The following TRAPPC2 variants were observed in gnomAD, a reference collection of about 807,000 sequenced individuals.
The protein encoded by TRAPPC2 is sedlin.
In TRAPPC2, 4 loss-of-function variants were observed where a neutral mutation model predicts 10.0. The observed-to-expected ratio is 0.40, with a 90% CI of 0.20 to 0.92. The LOEUF is 0.92. TRAPPC2 is among the 40% of genes least tolerant of loss of function. TRAPPC2 has a pLI of 0.35. For missense variants in TRAPPC2, 52 were observed against 108.7 expected (o/e 0.48, Z 2.32); for synonymous variants, 36 against 37.3 (o/e 0.97, Z 0.12).
chrX:13,716,435 G>C, intron 4 of TRAPPC2, 99 bp downstream of exon 4: 1 of 1,026,634 alleles, frequency 9.7e-7, no homozygotes, highest in East Asian at 3.1e-5. Context: ...ACCTGACTGT[G>C]AAGTCTACAG....
chrX:13,722,316 G>A (rs777221078), intron 2 of TRAPPC2: 1 of 108,496 alleles, frequency 9.2e-6, no homozygotes, highest in East Asian at 2.9e-4. Flanking sequence ...CCCCTATATG[G>A]AAAGCCACGA....
At chrX:13,722,684 G>A (rs909523151) in intron 2 of TRAPPC2, among the ~76,000 whole-genome samples, 1 of 111,733 alleles carries the variant, frequency 8.9e-6, no homozygotes, top group Non-Finnish European at 1.9e-5. Flanking sequence ...AGGATTCTGC[G>A]CTGTCCAATC....
At chrX:13,731,607 C>A (rs1480485447) in intron 2 of TRAPPC2, among the ~76,000 whole-genome samples, 1 of 111,577 alleles carries the variant, frequency 9.0e-6, no homozygotes, top group East Asian at 2.8e-4. Context: ...GCAGATACAC[C>A]ATTCGTCTCA....
At chrX:13,726,867 A>T (rs920233624) in intron 2 of TRAPPC2, among the ~76,000 whole-genome samples, 2 of 112,065 alleles carry the variant, frequency 1.8e-5, no homozygotes, top group Non-Finnish European at 3.8e-5. Flanking sequence ...AACCCATCTG[A>T]TGTGCAAAGA....
chrX:13,728,119 A>T (rs1442434871), intron 2 of TRAPPC2, among the ~76,000 whole-genome samples: 1 of 111,795 alleles, frequency 8.9e-6, no homozygotes, highest in African/African-American at 3.3e-5. Context: ...TAGCTTACCA[A>T]CCAAAAAAAG....
In TRAPPC2 at chrX:13,716,552, C is replaced by T. The variant is rs867765741; in HGVS notation, c.220G>A (p.Ala74Thr). 8.3e-7 allele frequency: 1 copy of T among 1,211,464 alleles called. No individual in the cohort carries two copies. Among genetic ancestry groups the T allele is most frequent in the Non-Finnish European group, 1.1e-6 (1 of 895,330 alleles). ...AGGATATGCCCCGCAGTGACAAATGCCGACACAAACCACTCGTTGAACTTG... is the reference window on the plus strand; with the variant it reads ...AGGATATGCCCCGCAGTGACAAATGTCGACACAAACCACTCGTTGAACTTG... The part of the protein sequence containing the change: ...VDKFNEWFVS[A>T]FVTAGHMRFI... The change falls in exon 4 of 6, where the codon GCA becomes ACA. Residue 74 changes from alanine to threonine, a missense_variant. Ala to Thr is a moderately conservative substitution (Grantham distance 58). Coordinates refer to ENST00000380579, the MANE Select transcript of TRAPPC2 (RefSeq NM_001011658.4).
At position 13,715,991 on chromosome X, in the gene TRAPPC2, G is replaced by C; in HGVS notation, c.324+13C>G. 7 of 1,176,450 alleles carry C rather than the reference G, an allele frequency of 6.0e-6. No individual in the cohort carries two copies. The highest frequency in any genetic ancestry group is 8.0e-6 in the Non-Finnish European group (7 of 874,664). On this transcript the variant is annotated intron_variant, in intron 5 of 5. Transcript: ENST00000380579. Reference sequence around the variant, plus strand: ...TTCTCATCAGAATTTAAAAATTATAGAACATACCATACCTTTATATATAAA... The same window carrying C: ...TTCTCATCAGAATTTAAAAATTATACAACATACCATACCTTTATATATAAA...
chrX:13,725,733 G>A (rs995723973), intron 2 of TRAPPC2, among the ~76,000 whole-genome samples: 1 of 112,475 alleles, frequency 8.9e-6, no homozygotes, highest in Non-Finnish European at 1.9e-5. Flanking sequence ...GCCAGCAATG[G>A]AACAAAGCTG....
chrX:13,727,088 A>C lies in TRAPPC2; in HGVS notation c.-20+6956T>G, dbSNP rs186419919. Among the ~76,000 whole-genome samples the C allele has an allele frequency of 1.1e-3, 123 of 112,284 alleles. No homozygotes were observed. In the East Asian group the frequency reaches 0.019, roughly 17 times the overall value. On this transcript the variant is annotated intron_variant, in intron 2 of 5. Coordinates refer to ENST00000380579, the MANE Select transcript of TRAPPC2 (RefSeq NM_001011658.4). ...TAAATATATATGCACCCAATACAGGAGCACCTAGATTCATAAAGCAAGTCC... is the reference window on the plus strand; with the variant it reads ...TAAATATATATGCACCCAATACAGGCGCACCTAGATTCATAAAGCAAGTCC...
chrX:13,720,130 C>A, intron 2 of TRAPPC2, 148 bp from the exon 3 acceptor site: 1 of 344,668 alleles, frequency 2.9e-6, no homozygotes, highest in Non-Finnish European at 4.9e-6. Flanking sequence ...AGTATACTAG[C>A]GAAGATACGT....
intron 2 of TRAPPC2, among the ~76,000 whole-genome samples, chrX:13,728,302 G>C (rs2046599144): frequency 9.0e-6 from 1 of 111,730 alleles, no homozygotes; most frequent in Admixed American, 9.5e-5. Flanking sequence ...AATAAAAAAA[G>C]AGAATTTTAG....
At chrX:13,720,037 A>G (rs2046375526) in intron 2 of TRAPPC2, 55 bp from the exon 3 acceptor site, 1 of 822,367 alleles carries the variant, frequency 1.2e-6, no homozygotes, top group Non-Finnish European at 1.7e-6. Context: ...AAATTAAAAA[A>G]TGACTAATGG....
chrX:13,712,301 A>G lies in TRAPPC2; in HGVS notation c.*2106T>C, dbSNP rs2046229992. On this transcript the variant is annotated 3_prime_UTR_variant, in exon 6 of 6. Coordinates refer to ENST00000380579, the MANE Select transcript of TRAPPC2 (RefSeq NM_001011658.4). ...TAGGGTAAAAATTATGCAATTTCACACAAGGATACAAGACAAAGCTTAGAA... is the reference window on the plus strand; with the variant it reads ...TAGGGTAAAAATTATGCAATTTCACGCAAGGATACAAGACAAAGCTTAGAA... 8.9e-6 allele frequency: 1 copy of G among 112,449 alleles called. No individual in the cohort carries two copies. The highest frequency in any genetic ancestry group is 9.4e-5 in the Admixed American group (1 of 10,590). The allele number at this position is 112,449 out of a possible 1,213,427, so 9.3% of individuals were successfully genotyped here. A position where few individuals can be genotyped will look rare whatever the true frequency, so the allele number is the denominator to read the frequency against.
chrX:13,717,590 T>C (rs1452358259), intron 3 of TRAPPC2, among the ~76,000 whole-genome samples: 2 of 110,027 alleles, frequency 1.8e-5, no homozygotes, highest in African/African-American at 3.3e-5. Flanking sequence ...AATACAAAAA[T>C]TGGCCGGCTG....
intron 2 of TRAPPC2, among the ~76,000 whole-genome samples, chrX:13,732,249 G>T (rs915758385): frequency 3.6e-5 from 4 of 111,824 alleles, no homozygotes; most frequent in African/African-American, 1.3e-4. Flanking sequence ...ACAGGGGAAG[G>T]GAGGGCAGGA....
At chrX:13,733,093 T>G (rs2046711928) in intron 2 of TRAPPC2, among the ~76,000 whole-genome samples, 1 of 112,265 alleles carries the variant, frequency 8.9e-6, no homozygotes, top group Non-Finnish European at 1.9e-5. Context: ...ATTCATGTAT[T>G]CAACTGTGGG....
chrX:13,728,693 G>T (rs2046607908), intron 2 of TRAPPC2, among the ~76,000 whole-genome samples: 1 of 112,075 alleles, frequency 8.9e-6, no homozygotes. Context: ...ACTGGCACAA[G>T]ACAAGGATGC....
At chrX:13,719,045 T>A (rs2046355123) in intron 3 of TRAPPC2, among the ~76,000 whole-genome samples, 1 of 110,676 alleles carries the variant, frequency 9.0e-6, no homozygotes, top group South Asian at 3.8e-4. Flanking sequence ...TAATCCCAGC[T>A]ACCTGGGAGG....
chrX:13,719,654 T>C (rs1408186765), intron 3 of TRAPPC2, among the ~76,000 whole-genome samples: 1 of 111,861 alleles, frequency 8.9e-6, no homozygotes, highest in Non-Finnish European at 1.9e-5. Context: ...GAACTGAGTA[T>C]GATGGGAATG....
Sources: allele counts gnomAD v4.1 joint callset (sites outside exome capture counted in the v4.1 genomes callset), GRCh38; gene constraint gnomAD v4.1.1; transcripts MANE v1.5; gene names NCBI Gene and HGNC (gene_info 2026-07-23, HGNC 2026-07-21).